DMD: variants seen among roughly 807,000 people sequenced by gnomAD.
The protein encoded by DMD is dystrophin, also known as mutant dystrophin.
Under a neutral mutation model 330.1 loss-of-function variants are expected in DMD, and 63 were observed. The observed-to-expected ratio is 0.19, with a 90% CI of 0.16 to 0.24. The LOEUF (loss-of-function observed/expected upper bound fraction) is 0.24. Ranked by LOEUF, DMD falls within the 10% of genes least tolerant of loss-of-function variation. DMD has a pLI of 1.00. For synonymous variants in DMD, 1,223 were observed against 959.8 expected (o/e 1.27, Z -5.07); for missense variants, 3,344 against 2,684.1 (o/e 1.25, Z -5.43).
intron 2 of DMD, among the ~76,000 whole-genome samples, chrX:33,010,234 A>ACATATGTGTATATG (rs1569549291): frequency 1.0e-5 from 1 of 96,781 alleles, no homozygotes; most frequent in Non-Finnish European, 2.1e-5. Flanking sequence ...GTGTGTATAT[A>ACATATGTGTATATG]TGTACATATG....
intron 43 of DMD, among the ~76,000 whole-genome samples, chrX:32,264,724 C>T (rs772336792): frequency 7.1e-4 from 79 of 111,671 alleles, no homozygotes; most frequent in African/African-American, 2.1e-3. Context: ...ACTTTTGCTA[C>T]GCTTTAGCAA....
intron 59 of DMD, among the ~76,000 whole-genome samples, chrX:31,456,203 G>A (rs1220922831): frequency 2.7e-5 from 3 of 112,400 alleles, no homozygotes; most frequent in Non-Finnish European, 5.6e-5. Flanking sequence ...TTTTCCACTT[G>A]TGTAGAAAAG....
chrX:32,448,676 T>A (rs1200881215), intron 26 of DMD, 38 bp from the exon 27 acceptor site: 1 of 1,098,498 alleles, frequency 9.1e-7, no homozygotes, highest in Non-Finnish European at 1.2e-6. Context: ...AGCATGAAAA[T>A]AACTTTACAT....
chrX:32,710,254 G>GA (rs544256391), intron 7 of DMD, among the ~76,000 whole-genome samples: 64 of 104,576 alleles, frequency 6.1e-4, no homozygotes, highest in Non-Finnish European at 5.5e-4. Context: ...GATTAAAGTG[G>GA]AAAAAAAAAA....
At chrX:32,503,243 C>CA (rs1363370172) in intron 18 of DMD, among the ~76,000 whole-genome samples, 1 of 111,251 alleles carries the variant, frequency 9.0e-6, no homozygotes, top group Non-Finnish European at 1.9e-5. Flanking sequence ...AAAAATTAGT[C>CA]AGGCGTGGTG....
intron 48 of DMD, among the ~76,000 whole-genome samples, chrX:31,840,865 T>C (rs2093305719): frequency 9.1e-6 from 1 of 110,446 alleles, no homozygotes; most frequent in South Asian, 3.9e-4. Flanking sequence ...TCTCTTCCTC[T>C]CCTTGGGCCT....
At chrX:31,140,459 T>C (rs1243373318) in intron 76 of DMD, among the ~76,000 whole-genome samples, 1 of 112,600 alleles carries the variant, frequency 8.9e-6, no homozygotes, top group Non-Finnish European at 1.9e-5. Context: ...AGTACTTGTG[T>C]ATTTCCTGCC....
intron 29 of DMD, among the ~76,000 whole-genome samples, chrX:32,425,163 C>T (rs1041026853): frequency 2.7e-5 from 3 of 111,423 alleles, no homozygotes; most frequent in Admixed American, 9.6e-5. Flanking sequence ...CAAAAGAGCT[C>T]CTATTCCAAA....
At chrX:32,815,520 T>TACACACACACACACAC (rs1557051739) in intron 6 of DMD, among the ~76,000 whole-genome samples, 17 of 78,912 alleles carry the variant, frequency 2.2e-4, no homozygotes, top group African/African-American at 8.5e-4. Flanking sequence ...TATATATATA[T>TACACACACACACACAC]ACACACACAC....
Position 32,592,473 on chromosome X carries a change from C to T in DMD, c.1602+3284G>A, listed in dbSNP as rs755405291. 1.9e-3 allele frequency among the ~76,000 whole-genome samples: 206 copies of T among 111,085 alleles called. 2 individuals carry two copies. Among genetic ancestry groups the T allele is most frequent in the Middle Eastern group, 4.7e-3 (1 of 214 alleles). ...CCACCCACCATGGGTCTCCTCTCTACTCACAGCTGCACACTCCCTGGGACG... is the reference window on the plus strand; with the variant it reads ...CCACCCACCATGGGTCTCCTCTCTATTCACAGCTGCACACTCCCTGGGACG... On this transcript the variant is annotated intron_variant, in intron 13 of 78. Transcript: ENST00000357033.
At chrX:32,752,860 T>C (rs1483122585) in intron 7 of DMD, among the ~76,000 whole-genome samples, 1 of 110,505 alleles carries the variant, frequency 9.0e-6, no homozygotes, top group Admixed American at 9.7e-5. Flanking sequence ...CAAGCTTTCT[T>C]TGCCCTCTGT....
intron 62 of DMD, among the ~76,000 whole-genome samples, chrX:31,293,199 G>GTGT (rs1569519847): frequency 1.6e-4 from 8 of 48,560 alleles, no homozygotes; most frequent in African/African-American, 9.7e-4. Flanking sequence ...TGTGTAGTCT[G>GTGT]GTTTAGTGTG....
intron 57 of DMD, among the ~76,000 whole-genome samples, chrX:31,486,177 T>C (rs2068790074): frequency 8.9e-6 from 1 of 112,782 alleles, no homozygotes; most frequent in South Asian, 3.7e-4. Flanking sequence ...TTTGAGAGTC[T>C]CTGCTAAGCA....
At chrX:31,775,365 G>A (rs2090593301) in intron 50 of DMD, among the ~76,000 whole-genome samples, 1 of 111,109 alleles carries the variant, frequency 9.0e-6, no homozygotes, top group Non-Finnish European at 1.9e-5. Flanking sequence ...CTGGAGATAA[G>A]GCCCCAAAAT....
chrX:33,029,438 T>C (rs906997750), intron 1 of DMD, among the ~76,000 whole-genome samples: 2 of 112,247 alleles, frequency 1.8e-5, no homozygotes, highest in African/African-American at 3.2e-5. Flanking sequence ...TGTAAAATGC[T>C]ATGGATGACC....
chrX:32,275,518 G>T (rs962747271), intron 43 of DMD, among the ~76,000 whole-genome samples: 1 of 111,635 alleles, frequency 9.0e-6, no homozygotes, highest in Non-Finnish European at 1.9e-5. Flanking sequence ...AGCGTATAGT[G>T]CACAAGATAC....
chrX:31,838,312 G>A (rs1009379711), intron 48 of DMD, among the ~76,000 whole-genome samples: 2 of 111,782 alleles, frequency 1.8e-5, no homozygotes, highest in African/African-American at 3.2e-5. Context: ...GTAGAGAAAA[G>A]AGCATATCTT....
intron 1 of DMD, among the ~76,000 whole-genome samples, chrX:33,331,510 T>C (rs1311094315): frequency 1.8e-5 from 2 of 111,953 alleles, no homozygotes; most frequent in Non-Finnish European, 3.8e-5. Flanking sequence ...GGGAGTGTTA[T>C]AATCAGTTGT....
intron 44 of DMD, among the ~76,000 whole-genome samples, chrX:32,196,996 A>AAAAC (rs2097007295): frequency 9.6e-6 from 1 of 103,650 alleles, no homozygotes; most frequent in Admixed American, 1.1e-4. Context: ...CAAAAAAAAA[A>AAAAC]AAAAAAAAAC....
Sources: allele counts gnomAD v4.1 joint callset (sites outside exome capture counted in the v4.1 genomes callset), GRCh38; gene constraint gnomAD v4.1.1; transcripts MANE v1.5; gene names NCBI Gene and HGNC (gene_info 2026-07-23, HGNC 2026-07-21).